The following FBXL18 variants were observed in gnomAD, a reference collection of about 807,000 sequenced individuals.
The protein encoded by FBXL18 is F-box and leucine rich repeat protein 18.
Under a neutral mutation model 46.0 loss-of-function variants are expected in FBXL18, and 36 were observed. The ratio of observed to expected loss-of-function variants is 0.78; its 90% CI spans 0.60 to 1.03. The LOEUF (loss-of-function observed/expected upper bound fraction) is 1.03, where lower values mean the gene tolerates loss of function less well. Ranked by LOEUF, FBXL18 falls within the 50% of genes least tolerant of loss-of-function variation. The probability of loss-of-function intolerance (pLI) is 0.00; values close to 1 mark genes in which losing one functional copy is unlikely to be tolerated. For synonymous variants in FBXL18, 557 were observed against 465.3 expected, an observed-to-expected ratio of 1.20 and a Z score of -2.54; for missense variants, 977 against 1,004.1, an observed-to-expected ratio of 0.97 and a Z score of 0.36.
At chr7:5,462,540 T>C (rs1053118479) in intron 4 of FBXL18, among the ~76,000 whole-genome samples, 1 of 152,112 alleles carries the variant, frequency 6.6e-6, no homozygotes, top group East Asian at 1.9e-4. Context: ...TCGCCATGGA[T>C]TGTGGCCAAA....
chr7:5,466,481 G>A (rs777621239), intron 4 of FBXL18, among the ~76,000 whole-genome samples: 7 of 152,278 alleles, frequency 4.6e-5, no homozygotes, highest in Non-Finnish European at 8.8e-5. Flanking sequence ...AGTTGCTAGA[G>A]GTCCTCCCTC....
chr7:5,471,680 T>C (rs1340478033), downstream of FBXL18, among the ~76,000 whole-genome samples: 15 of 152,236 alleles, frequency 9.9e-5, no homozygotes, highest in South Asian at 2.1e-4. Flanking sequence ...AAAGTGCTTT[T>C]CATTTTTACT....
rs1373000229 is a variant in FBXL18 at position 5,492,215 on chromosome 7, TC to T, written c.1782-767del. On this transcript the variant is annotated intron_variant, in intron 3 of 4. Transcript: ENST00000382368. ...AGTAGGGGACGACATTCTAGATCCT[TC>T]CTGGGGAGTCTGTCCATGCAGACAG... 2.2e-4 allele frequency among the ~76,000 whole-genome samples: 33 copies of T among 147,426 alleles called. 1 individual carries two copies. Among genetic ancestry groups the T allele is most frequent in the African/African-American group, 7.8e-4 (31 of 39,852 alleles).
chr7:5,498,689 G>C (rs1380120548), intron 3 of FBXL18, among the ~76,000 whole-genome samples: 31 of 152,204 alleles, frequency 2.0e-4, no homozygotes, highest in Admixed American at 2.0e-3. Flanking sequence ...TCCTGCCTCA[G>C]CCTCCTGAGT....
intron 4 of FBXL18, among the ~76,000 whole-genome samples, chr7:5,460,186 G>A (rs1336489995): frequency 6.6e-6 from 1 of 152,074 alleles, no homozygotes; most frequent in Non-Finnish European, 1.5e-5. Flanking sequence ...CCTGGGAGGT[G>A]GAGGTTGCAG....
At chr7:5,491,529 A>C in intron 3 of FBXL18, 80 bp from the exon 4 acceptor site, 1 of 1,241,978 alleles carries the variant, frequency 8.1e-7, no homozygotes, top group South Asian at 1.5e-5. Flanking sequence ...AGGTGCTGCC[A>C]GTGGAAGCTT....
chr7:5,485,759 T>C (rs371940592), intron 4 of FBXL18, among the ~76,000 whole-genome samples: 6 of 151,768 alleles, frequency 4.0e-5, no homozygotes, highest in Admixed American at 1.3e-4. Flanking sequence ...AATTCAAAAT[T>C]AGCCGGGTGT....
chr7:5,490,158 C>G, intron 4 of FBXL18: 1 of 1,357,798 alleles, frequency 7.4e-7, no homozygotes, highest in Non-Finnish European at 9.9e-7. Context: ...TGGCTGATGG[C>G]TCTTCTCGCA....
chr7:5,463,704 ATTTATTTATTTATT>A (rs1783291689), intron 4 of FBXL18, among the ~76,000 whole-genome samples: 4 of 43,984 alleles, frequency 9.1e-5, no homozygotes, highest in African/African-American at 4.2e-4. Context: ...CTATATATAT[ATTTATTTATTTATT>A]TATTTATTTA....
intron 3 of FBXL18, among the ~76,000 whole-genome samples, chr7:5,492,912 T>G (rs185822353): frequency 2.9e-3 from 434 of 152,256 alleles, no homozygotes; most frequent in South Asian, 7.0e-3. Context: ...AATAAATGCC[T>G]GTTGCATGAA....
chr7:5,465,844 G>A (rs529540215), intron 4 of FBXL18, among the ~76,000 whole-genome samples: 5 of 150,074 alleles, frequency 3.3e-5, no homozygotes, highest in East Asian at 3.9e-4. Flanking sequence ...TGGAAATGGA[G>A]TCTTAGTCTG....
intron 4 of FBXL18, among the ~76,000 whole-genome samples, chr7:5,468,323 C>A (rs34574465): frequency 6.6e-6 from 1 of 150,956 alleles, no homozygotes; most frequent in East Asian, 2.0e-4. Flanking sequence ...TTCACTGTGT[C>A]AGCCAGGATG....
chr7:5,464,682 A>AC (rs1434015188), intron 4 of FBXL18, among the ~76,000 whole-genome samples: 1 of 142,888 alleles, frequency 7.0e-6, no homozygotes, highest in African/African-American at 2.6e-5. Context: ...AAAAAAAAAA[A>AC]ACACTAAGAT....
In FBXL18 at chr7:5,467,133, C is replaced by T. The variant is rs190947461; in HGVS notation, c.2001-19290G>A. 4.4e-4 allele frequency among the ~76,000 whole-genome samples: 67 copies of T among 152,248 alleles called. 1 individual carries two copies. Among genetic ancestry groups the T allele is most frequent in the East Asian group, 1.5e-3 (8 of 5,176 alleles). On this transcript the variant is annotated intron_variant and NMD_transcript_variant, in intron 4 of 6. Transcript: ENST00000415009. ...TTGGGAGGCGAAGGCGGGCGGATCA[C>T]GAGTTCAGGAGATCGAGACCATCCT...
chr7:5,491,851 T>C (rs1783936002), intron 3 of FBXL18, among the ~76,000 whole-genome samples: 1 of 152,036 alleles, frequency 6.6e-6, no homozygotes, highest in African/African-American at 2.4e-5. Context: ...GCCCCTGCCC[T>C]TGGGAAGCTC....
chr7:5,482,041 C>G, intron 4 of FBXL18, 110 bp from the exon 5 acceptor site: 2 of 1,314,472 alleles, frequency 1.5e-6, no homozygotes, highest in Non-Finnish European at 1.0e-6. Context: ...CCCGGGCTCA[C>G]CTGGGGCTCC....
chr7:5,485,317 G>C (rs1187607938), intron 4 of FBXL18, among the ~76,000 whole-genome samples: 2 of 152,186 alleles, frequency 1.3e-5, no homozygotes, highest in African/African-American at 4.8e-5. Context: ...TTGGCAGTCA[G>C]AGGGCACTCC....
intron 4 of FBXL18, among the ~76,000 whole-genome samples, chr7:5,486,405 G>C (rs989244941): frequency 6.6e-6 from 1 of 151,084 alleles, no homozygotes; most frequent in Non-Finnish European, 1.5e-5. Context: ...GGAAACGAGC[G>C]AAACTCTGTT....
At chr7:5,457,388 T>C (rs1325027931) in intron 4 of FBXL18, among the ~76,000 whole-genome samples, 1 of 152,052 alleles carries the variant, frequency 6.6e-6, no homozygotes, top group African/African-American at 2.4e-5. Context: ...TCCTTAGAGA[T>C]GTAAGCTGCT....
Sources: allele counts gnomAD v4.1 joint callset (sites outside exome capture counted in the v4.1 genomes callset), GRCh38; gene constraint gnomAD v4.1.1; transcripts MANE v1.5; gene names NCBI Gene and HGNC (gene_info 2026-07-23, HGNC 2026-07-21).